The following TFEC variants were observed in gnomAD, a reference collection of about 807,000 sequenced individuals.
TFEC encodes transcription factor EC.
Under a neutral mutation model 41.6 loss-of-function variants are expected in TFEC, and 31 were observed. That is an observed-to-expected ratio of 0.74 (90% confidence interval 0.56 to 1.01). TFEC has a LOEUF of 1.01. Ranked by LOEUF, TFEC falls within the 50% of genes least tolerant of loss-of-function variation. The pLI, the probability that TFEC is intolerant of heterozygous loss-of-function variation, is 0.00. For missense variants in TFEC, 402 were observed against 404.1 expected, an observed-to-expected ratio of 0.99 and a Z score of 0.04; for synonymous variants, 143 against 140.6, an observed-to-expected ratio of 1.02 and a Z score of -0.12.
chr7:116,109,867 T>C (rs1278390492), intron 3 of TFEC, among the ~76,000 whole-genome samples: 1 of 152,164 alleles, frequency 6.6e-6, no homozygotes, highest in Admixed American at 6.6e-5. Flanking sequence ...AAATGTGGCA[T>C]ATATCCACCA....
upstream of TFEC, among the ~76,000 whole-genome samples, chr7:116,033,920 T>C (rs1268624498): frequency 6.6e-6 from 1 of 152,156 alleles, no homozygotes; most frequent in African/African-American, 2.4e-5. Flanking sequence ...TTTCCCATTC[T>C]TTCTTAAGCT....
intron 1 of TFEC, among the ~76,000 whole-genome samples, chr7:116,024,518 C>G (rs1366384958): frequency 1.3e-5 from 2 of 152,160 alleles, no homozygotes; most frequent in Middle Eastern, 3.2e-3. Flanking sequence ...GACAACATTA[C>G]TTGCCCCAAG....
chr7:116,079,918 C>T (rs909645661), intron 3 of TFEC, among the ~76,000 whole-genome samples: 7 of 151,802 alleles, frequency 4.6e-5, no homozygotes, highest in Non-Finnish European at 8.8e-5. Flanking sequence ...TCACATTACC[C>T]GACTTCAAAA....
exon 1 of TFEC, chr7:116,159,808 C>A (rs1315896505): frequency 1.3e-5 from 2 of 152,036 alleles, no homozygotes; most frequent in African/African-American, 4.8e-5. Flanking sequence ...GTGGCTCAGG[C>A]GAAGAATCCG....
At position 116,003,967 on chromosome 7, in the gene TFEC, G is replaced by T. The variant is rs191967530; in HGVS notation, c.-72-19454C>A. ...ATAAAAACACAACATTCTAAAATTT[G>T]TGAGCTGCAATGAAAACAGTGCTTA... On this transcript the variant is annotated intron_variant, in intron 1 of 7. Transcript: ENST00000265440. Among the ~76,000 whole-genome samples, 73 of 152,216 alleles carry T rather than the reference G, an allele frequency of 4.8e-4. No homozygotes were observed. In the East Asian group the frequency reaches 0.013, roughly 27 times the overall value.
chr7:116,052,124 T>A (rs1012711359), intron 3 of TFEC, among the ~76,000 whole-genome samples: 10 of 150,254 alleles, frequency 6.7e-5, no homozygotes, highest in Non-Finnish European at 1.5e-4. Context: ...AGGGGATTGG[T>A]CAAGGTAGAG....
intron 3 of TFEC, among the ~76,000 whole-genome samples, chr7:116,093,804 T>A (rs1323741385): frequency 4.6e-5 from 7 of 152,138 alleles, no homozygotes; most frequent in Non-Finnish European, 7.4e-5. Context: ...TTGGGGGAAA[T>A]GCAAGCTCTA....
Position 116,122,443 on chromosome 7 carries a change from A to G in TFEC, c.-68-10405T>C, listed in dbSNP as rs149077580. Among the ~76,000 whole-genome samples, 120 of 152,194 alleles carry G rather than the reference A, an allele frequency of 7.9e-4. 1 individual carries two copies. In the South Asian group the frequency reaches 0.012, roughly 15 times the overall value. On this transcript the variant is annotated intron_variant, in intron 1 of 8. Transcript: ENST00000484212. Reference sequence around the variant, plus strand: ...CACACCTGCTCCCGTAACACTGAACAGCACACTACACGTTTTAAAAGATTT... The same window carrying G: ...CACACCTGCTCCCGTAACACTGAACGGCACACTACACGTTTTAAAAGATTT...
chr7:116,003,019 G>C (rs1445830018), intron 1 of TFEC, among the ~76,000 whole-genome samples: 1 of 151,974 alleles, frequency 6.6e-6, no homozygotes, highest in Non-Finnish European at 1.5e-5. Flanking sequence ...AAGAACAAGG[G>C]TAACAAATAG....
intron 3 of TFEC, among the ~76,000 whole-genome samples, chr7:116,064,783 C>T (rs1224698388): frequency 1.3e-5 from 2 of 152,086 alleles, no homozygotes; most frequent in African/African-American, 4.8e-5. Context: ...TTTAAGAAAG[C>T]ACCATGGAAA....
intron 1 of TFEC, among the ~76,000 whole-genome samples, chr7:116,027,353 A>C (rs1318891200): frequency 2.0e-5 from 3 of 152,092 alleles, no homozygotes; most frequent in African/African-American, 7.2e-5. Context: ...TGAGAGGCTG[A>C]GGCAACCACT....
intron 1 of TFEC, among the ~76,000 whole-genome samples, chr7:116,023,971 C>A (rs1473589015): frequency 6.6e-6 from 1 of 152,076 alleles, no homozygotes; most frequent in East Asian, 1.9e-4. Flanking sequence ...TAGTGGAGAC[C>A]TGGCCTCTGT....
At chr7:116,051,064 G>A (rs1042363456) in intron 3 of TFEC, among the ~76,000 whole-genome samples, 6 of 152,046 alleles carry the variant, frequency 3.9e-5, no homozygotes, top group African/African-American at 9.7e-5. Flanking sequence ...ACCAAACACC[G>A]CATGTCCTCG....
intron 3 of TFEC, among the ~76,000 whole-genome samples, chr7:116,052,622 C>A (rs1428289157): frequency 6.6e-6 from 1 of 151,704 alleles, no homozygotes; most frequent in Admixed American, 6.6e-5. Context: ...AGAAACAGGG[C>A]TTCACCATGT....
rs764710891 is a variant in TFEC at position 115,939,851 on chromosome 7, G to C, written c.*700C>G. 3.9e-5 allele frequency: 6 copies of C among 152,012 alleles called. No individual in the cohort carries two copies. Among genetic ancestry groups the C allele is most frequent in the Non-Finnish European group, 7.4e-5 (5 of 67,986 alleles). 9.4% of individuals were successfully genotyped at this position (152,012 alleles called of 1,614,324 possible). ...AAATATTCAATATGTTCCTTTTCCT[G>C]AACAGAGACTGGAGATATAAATATG... On this transcript the variant is annotated 3_prime_UTR_variant, in exon 8 of 8. Transcript: ENST00000265440.
intron 1 of TFEC, among the ~76,000 whole-genome samples, chr7:116,013,639 G>A (rs1795084334): frequency 6.6e-6 from 1 of 152,082 alleles, no homozygotes; most frequent in African/African-American, 2.4e-5. Flanking sequence ...TAAATTGCAT[G>A]TATTTTGATT....
At chr7:115,946,235 T>A (rs1791538674) in intron 6 of TFEC, among the ~76,000 whole-genome samples, 1 of 150,926 alleles carries the variant, frequency 6.6e-6, no homozygotes, top group South Asian at 2.2e-4. Context: ...GAGTAGAGTC[T>A]AAATTAGGCC....
chr7:116,029,515 A>C (rs1027568455), intron 1 of TFEC, among the ~76,000 whole-genome samples: 1 of 152,164 alleles, frequency 6.6e-6, no homozygotes, highest in Non-Finnish European at 1.5e-5. Context: ...TCTTATAGTT[A>C]AATGAAGTTT....
At chr7:116,044,928 G>A (rs938764980) in intron 3 of TFEC, among the ~76,000 whole-genome samples, 26 of 152,200 alleles carry the variant, frequency 1.7e-4, no homozygotes, top group African/African-American at 4.6e-4. Flanking sequence ...CACCAGTTAC[G>A]TAAGGAATGA....
Sources: allele counts gnomAD v4.1 joint callset (sites outside exome capture counted in the v4.1 genomes callset), GRCh38; gene constraint gnomAD v4.1.1; transcripts MANE v1.5; gene names NCBI Gene and HGNC (gene_info 2026-07-23, HGNC 2026-07-21).